The following APLF variants were observed in gnomAD, a reference collection of about 807,000 sequenced individuals.
APLF encodes aprataxin and PNK-like factor.
APLF carries 61 observed loss-of-function variants against 55.6 expected under a neutral mutation model. That is an observed-to-expected ratio of 1.10 (90% CI 0.89 to 1.36). APLF has a LOEUF of 1.36. Among genes scored for constraint, APLF ranks in the 40% most tolerant of loss-of-function variants. The probability of loss-of-function intolerance (pLI) is 0.00; values close to 1 mark genes in which losing one functional copy is unlikely to be tolerated. For synonymous variants in APLF, 207 were observed against 214.8 expected, an observed-to-expected ratio of 0.96 and a Z score of 0.32; for missense variants, 611 against 602.5, an observed-to-expected ratio of 1.01 and a Z score of -0.15.
intron 2 of APLF, among the ~76,000 whole-genome samples, chr2:68,494,353 G>A (rs1676471514): frequency 6.6e-6 from 1 of 151,398 alleles, no homozygotes; most frequent in Admixed American, 6.6e-5. Flanking sequence ...CAGGAAGCAT[G>A]GTGCCATCAT....
At chr2:68,566,037 T>C (rs1243918611) in intron 8 of APLF, among the ~76,000 whole-genome samples, 1 of 152,034 alleles carries the variant, frequency 6.6e-6, no homozygotes, top group African/African-American at 2.4e-5. Context: ...CATATTTACA[T>C]CCTATGACTC....
rs1369182048 is a variant in APLF at position 68,579,521 on chromosome 2, A to G, written c.*1499A>G. 6 of 539,048 alleles carry G rather than the reference A, an allele frequency of 1.1e-5. No individual in the cohort carries two copies. The highest frequency in any genetic ancestry group is 1.0e-4 in the African/African-American group (5 of 47,978). 33.4% of individuals were successfully genotyped at this position (539,048 alleles called of 1,614,324 possible). A position where few individuals can be genotyped will look rare whatever the true frequency, so the allele number is the denominator to read the frequency against. On this transcript the variant is annotated 3_prime_UTR_variant, in exon 10 of 10. Transcript: ENST00000303795. Reference sequence around the variant, plus strand: ...AATAGAAGCATTATTCTTAACAGCCAAAAAGTATAAACACCCAAAGTCTAT... The same window carrying G: ...AATAGAAGCATTATTCTTAACAGCCGAAAAGTATAAACACCCAAAGTCTAT...
At chr2:68,573,357 TAATGTTTG>T (rs1384950839) in intron 9 of APLF, among the ~76,000 whole-genome samples, 4 of 152,116 alleles carry the variant, frequency 2.6e-5, no homozygotes, top group Non-Finnish European at 5.9e-5. Flanking sequence ...TGTGATCATT[TAATGTTTG>T]ATGTGTAGTT....
intron 9 of APLF, among the ~76,000 whole-genome samples, chr2:68,570,994 G>C (rs1671444147): frequency 6.6e-6 from 1 of 152,138 alleles, no homozygotes. Context: ...CATTCTAACT[G>C]GTGTGAGATG....
intron 6 of APLF, chr2:68,531,373 A>G (rs1670250838): frequency 6.6e-6 from 1 of 152,114 alleles, no homozygotes. Flanking sequence ...AAGGAAGAGG[A>G]TTGGTCATGG....
In APLF at chr2:68,579,637, A is replaced by T. The variant is rs1440219555; in HGVS notation, c.*1615A>T. The T allele has an allele frequency of 1.3e-5, 2 of 156,490 alleles. No homozygotes were observed. Among genetic ancestry groups the T allele is most frequent in the South Asian group, 4.1e-4 (2 of 4,900 alleles). The allele number at this position is 156,490 out of a possible 1,614,324, so 9.7% of individuals were successfully genotyped here. A position where few individuals can be genotyped will look rare whatever the true frequency, so the allele number is the denominator to read the frequency against. The stretch of plus-strand genomic sequence containing the variant: ...TCATAAAAAGGAATAAAGTACTGAT[A>T]CATGCTACAAGATAGATGAACCTTG... On this transcript the variant is annotated 3_prime_UTR_variant, in exon 10 of 10. Coordinates refer to ENST00000303795, the MANE Select transcript of APLF (RefSeq NM_173545.3).
At chr2:68,506,056 C>T (rs1401119254) in intron 3 of APLF, among the ~76,000 whole-genome samples, 3 of 151,884 alleles carry the variant, frequency 2.0e-5, no homozygotes, top group African/African-American at 4.8e-5. Flanking sequence ...GCTCCTTTCA[C>T]CTGTTTCAGA....
intron 5 of APLF, among the ~76,000 whole-genome samples, chr2:68,516,947 TATAATATAATATATA>T (rs1268571707): frequency 2.4e-5 from 3 of 125,436 alleles, no homozygotes; most frequent in African/African-American, 9.3e-5. Context: ...ATATAATATA[TATAATATAATATATA>T]ATAATATAAT....
At chr2:68,525,998 T>C in intron 5 of APLF, 63 bp from the exon 6 acceptor site, 1 of 1,450,454 alleles carries the variant, frequency 6.9e-7, no homozygotes, top group Non-Finnish European at 9.3e-7. Context: ...CTTTTTTTGA[T>C]ATGGATTATT....
chr2:68,499,902 T>TA (rs1446540575), intron 2 of APLF, among the ~76,000 whole-genome samples: 1 of 152,148 alleles, frequency 6.6e-6, no homozygotes, highest in African/African-American at 2.4e-5. Flanking sequence ...AAACATACTT[T>TA]AAAAAAATCT....
intron 2 of APLF, 119 bp from the exon 3 acceptor site, chr2:68,502,612 T>G (rs1292494370): frequency 4.7e-6 from 3 of 634,278 alleles, no homozygotes; most frequent in Admixed American, 4.3e-5. Context: ...TGCTTAAATT[T>G]TTTTGATACC....
In APLF at chr2:68,513,198, A is replaced by G; in HGVS notation, c.460A>G (p.Lys154Glu). 6.2e-7 allele frequency: 1 copy of G among 1,610,306 alleles called. No individual in the cohort carries two copies. ...SQLEGSTEIA[K>E]TQMTPTNSVS... ...ACTGGAAGGAAGCACAGAAATAGCC[A>G]AGACCCAGATGACTCCCACAAATAG... Residue 154 changes from lysine to glutamate, a missense_variant, in exon 4 of 10, where the codon AAG (lysine) becomes GAG (glutamate). Physicochemically the swap from Lys to Glu is moderately conservative, Grantham distance 56. Transcript: ENST00000303795.
In APLF at chr2:68,577,912, T is replaced by G. The variant is rs755825489; in HGVS notation, c.1426T>G (p.Tyr476Asp). 1 of 1,613,494 alleles carries G rather than the reference T, an allele frequency of 6.2e-7. No homozygotes were observed. Among genetic ancestry groups the G allele is most frequent in the East Asian group, 2.2e-5 (1 of 44,822 alleles). ...CTTTCTAGATGATGAGGAAGAAGAC[T>G]ATGAGCCAACAGATGAAGATTCTGA... ...DSFLDDEEED[Y>D]EPTDEDSDWE... Residue 476 changes from tyrosine to aspartate, a missense_variant, in exon 10 of 10, where the codon TAT (tyrosine) becomes GAT (aspartate). Tyr to Asp is a radical substitution (Grantham distance 160). Transcript: ENST00000303795.
chr2:68,498,816 G>A (rs1388235767), intron 2 of APLF, among the ~76,000 whole-genome samples: 2 of 152,166 alleles, frequency 1.3e-5, no homozygotes, highest in Non-Finnish European at 2.9e-5. Context: ...GATGATTGAG[G>A]CAGTAGCTCT....
chr2:68,514,205 T>C (rs768529036), intron 5 of APLF, among the ~76,000 whole-genome samples: 1 of 151,752 alleles, frequency 6.6e-6, no homozygotes, highest in Non-Finnish European at 1.5e-5. Flanking sequence ...AATCATTTGG[T>C]GTATTTTTCT....
At position 68,467,680 on chromosome 2, in the gene APLF, G is replaced by GA. The variant is rs751944148; in HGVS notation, c.-49dup. 7.7e-5 allele frequency: 94 copies of GA among 1,221,360 alleles called. No individual in the cohort carries two copies. Among genetic ancestry groups the GA allele is most frequent in the South Asian group, 5.8e-4 (14 of 24,140 alleles). The allele number at this position is 1,221,360 out of a possible 1,614,324, so 75.7% of individuals were successfully genotyped here. Reference sequence around the variant, plus strand: ...GCCCCGCGCGTGTCTGTGGAGGGCGGAAACAGCGGAGGGGCCAGTCTCCTG... The same window carrying GA: ...GCCCCGCGCGTGTCTGTGGAGGGCGGAAAACAGCGGAGGGGCCAGTCTCCTG... On this transcript the variant is annotated 5_prime_UTR_variant, in exon 1 of 10. Coordinates refer to ENST00000303795, the MANE Select transcript of APLF (RefSeq NM_173545.3).
At chr2:68,478,898 C>T (rs941229401) in intron 1 of APLF, among the ~76,000 whole-genome samples, 1 of 152,158 alleles carries the variant, frequency 6.6e-6, no homozygotes, top group East Asian at 1.9e-4. Flanking sequence ...AAAAGATAAC[C>T]ACCAGCTGCC....
In APLF at chr2:68,471,886, C is replaced by T. The variant is rs142740747; in HGVS notation, c.96+4059C>T. On this transcript the variant is annotated intron_variant, in intron 1 of 9. Transcript: ENST00000303795. ...CCCGTGACACAGCCCTCAGGAGGTC[C>T]TGAGAGCATGTTCCCAAGATGGTCA... 6.5e-3 allele frequency among the ~76,000 whole-genome samples: 982 copies of T among 152,128 alleles called. 7 individuals are homozygous for T. The highest frequency in any genetic ancestry group is 0.023 in the African/African-American group (935 of 41,476).
chr2:68,475,634 T>C (rs72900060), intron 1 of APLF, among the ~76,000 whole-genome samples: 12,540 of 152,210 alleles, frequency 0.082, 1,505 homozygotes, highest in African/African-American at 0.26. Flanking sequence ...TAATTGCCCC[T>C]TCTTAACATC....
Sources: gnomAD v4.1 joint callset for allele counts (sites outside exome capture counted in the v4.1 genomes callset) on GRCh38, gnomAD v4.1.1 for gene constraint, MANE v1.5 for transcripts, NCBI Gene and HGNC (gene_info 2026-07-23, HGNC 2026-07-21) for gene names.